Variants in ADAM12 observed in about 807,000 individuals in gnomAD.
ADAM12 encodes disintegrin and metalloproteinase domain-containing protein 12.
A neutral mutation model predicts 106.4 loss-of-function variants in ADAM12; 70 were observed. The observed-to-expected ratio is 0.66, with a 90% CI of 0.54 to 0.80. The LOEUF is 0.80. Ranked by LOEUF, ADAM12 falls within the 30% of genes least tolerant of loss-of-function variation. The probability of loss-of-function intolerance (pLI) is 0.00; values close to 1 mark genes in which losing one functional copy is unlikely to be tolerated. For synonymous variants in ADAM12, 420 were observed against 433.5 expected (o/e 0.97, Z 0.39); for missense variants, 1,010 against 1,171.9 (o/e 0.86, Z 2.02).
At chr10:126,164,904 A>G (rs1323520316) in intron 3 of ADAM12, among the ~76,000 whole-genome samples, 1 of 152,250 alleles carries the variant, frequency 6.6e-6, no homozygotes, top group East Asian at 1.9e-4. Context: ...AGAAAAATGA[A>G]AAAGAAGTAT....
chr10:126,076,363 C>T (rs894769674), intron 11 of ADAM12, among the ~76,000 whole-genome samples: 6 of 152,096 alleles, frequency 3.9e-5, no homozygotes, highest in African/African-American at 1.2e-4. Flanking sequence ...TTGTGAATAG[C>T]GCTATAATGA....
At chr10:126,017,962 A>G (rs2133370073) in intron 22 of ADAM12, among the ~76,000 whole-genome samples, 1 of 152,370 alleles carries the variant, frequency 6.6e-6, no homozygotes, top group African/African-American at 2.4e-5. Context: ...TCTTCCTCAA[A>G]TAGAACAAGA....
intron 3 of ADAM12, among the ~76,000 whole-genome samples, chr10:126,274,302 C>T (rs569813294): frequency 2.0e-5 from 3 of 152,284 alleles, no homozygotes; most frequent in East Asian, 3.9e-4. Flanking sequence ...GGCTGTGCCC[C>T]ACCCTGTGTA....
In ADAM12 at chr10:126,239,277, C is replaced by T. The variant is rs114864811; in HGVS notation, c.260+39638G>A. Among the ~76,000 whole-genome samples the T allele has an allele frequency of 2.0e-3, 311 of 152,250 alleles. 2 individuals carry two copies. The highest frequency in any genetic ancestry group is 7.3e-3 in the African/African-American group (303 of 41,530). On this transcript the variant is annotated intron_variant, in intron 3 of 22. Transcript: ENST00000448723. Reference sequence around the variant, plus strand: ...ATAAAAATTATATAGGAAAAAGAACCTCATTGTTTCCATGTATCTATAAGA... The same window carrying T: ...ATAAAAATTATATAGGAAAAAGAACTTCATTGTTTCCATGTATCTATAAGA...
intron 3 of ADAM12, among the ~76,000 whole-genome samples, chr10:126,228,063 G>A (rs912076120): frequency 6.6e-6 from 1 of 152,196 alleles, no homozygotes; most frequent in Admixed American, 6.5e-5. Flanking sequence ...AAGGGGTCAA[G>A]GACGGCCCCA....
At chr10:126,143,579 T>C (rs11812621) in intron 4 of ADAM12, among the ~76,000 whole-genome samples, 46,456 of 107,484 alleles carry the variant, frequency 0.43, 7,662 homozygotes, top group Admixed American at 0.48. Flanking sequence ...ATGTGTATAT[T>C]TGTGTGTGTA....
intron 1 of ADAM12, among the ~76,000 whole-genome samples, chr10:126,381,966 C>T (rs1399165297): frequency 2.8e-5 from 3 of 108,832 alleles, no homozygotes; most frequent in Non-Finnish European, 5.8e-5. Flanking sequence ...CAATGCAAGA[C>T]CCTGTCTCAA....
intron 3 of ADAM12, among the ~76,000 whole-genome samples, chr10:126,245,379 G>A (rs545377763): frequency 6.6e-6 from 1 of 152,322 alleles, no homozygotes; most frequent in African/African-American, 2.4e-5. Context: ...AGAGAGTCCT[G>A]CCAGCTTGAG....
At chr10:126,271,389 A>C (rs2133736425) in intron 3 of ADAM12, among the ~76,000 whole-genome samples, 1 of 152,332 alleles carries the variant, frequency 6.6e-6, no homozygotes, top group Non-Finnish European at 1.5e-5. Context: ...TCAAGCCATC[A>C]TCAGCTCTCC....
chr10:126,277,922 T>TC (rs1959349924), intron 3 of ADAM12, among the ~76,000 whole-genome samples: 1 of 152,232 alleles, frequency 6.6e-6, no homozygotes, highest in African/African-American at 2.4e-5. Flanking sequence ...TCGTCTGTCT[T>TC]GCTTAAAATG....
intron 21 of ADAM12, among the ~76,000 whole-genome samples, chr10:126,025,868 G>C (rs1157196483): frequency 5.9e-5 from 9 of 152,070 alleles, no homozygotes. Flanking sequence ...GATTTTCCAA[G>C]GTCAAAATGA....
In ADAM12 at chr10:126,129,004, C is replaced by G. The variant is rs991587708; in HGVS notation, c.416+6580G>C. Reference sequence around the variant, plus strand: ...GAGGACACCTCGTGCTCAGGTGTCACCAACCCCATTTAAAAAGGAAATAAC... The same window carrying G: ...GAGGACACCTCGTGCTCAGGTGTCAGCAACCCCATTTAAAAAGGAAATAAC... On this transcript the variant is annotated intron_variant, in intron 5 of 22. Coordinates refer to ENST00000448723, the MANE Select transcript of ADAM12 (RefSeq NM_001288973.2). 1.8e-4 allele frequency among the ~76,000 whole-genome samples: 28 copies of G among 152,240 alleles called. 1 individual carries two copies. The highest frequency in any genetic ancestry group is 3.2e-3 in the Middle Eastern group (1 of 316).
chr10:126,378,945 T>A (rs1276353471), intron 1 of ADAM12, among the ~76,000 whole-genome samples: 1 of 152,240 alleles, frequency 6.6e-6, no homozygotes, highest in Non-Finnish European at 1.5e-5. Context: ...TTCAGGAATG[T>A]ACCTTTCCAT....
chr10:126,138,608 T>G (rs1371019214), intron 4 of ADAM12, among the ~76,000 whole-genome samples: 2 of 152,196 alleles, frequency 1.3e-5, no homozygotes, highest in Admixed American at 1.3e-4. Context: ...ACTACTGACC[T>G]CAAGCAATCT....
In ADAM12 at chr10:126,338,402, G is replaced by A. The variant is rs113604165; in HGVS notation, c.89-7893C>T. On this transcript the variant is annotated intron_variant, in intron 1 of 22. Coordinates refer to ENST00000448723, the MANE Select transcript of ADAM12 (RefSeq NM_001288973.2). ...CAAGTAGCTGGGACTACAGGCGCCC[G>A]CCACTACGCCCGGCTAATTTTTTGT... Among the ~76,000 whole-genome samples the A allele has an allele frequency of 4.5e-4, 68 of 151,394 alleles. No homozygotes were observed. The East Asian group carries it at 0.012, about 27-fold the overall frequency.
intron 4 of ADAM12, among the ~76,000 whole-genome samples, chr10:126,149,567 T>C (rs1012700234): frequency 3.3e-5 from 5 of 152,142 alleles, no homozygotes; most frequent in Non-Finnish European, 7.4e-5. Flanking sequence ...GGCCCACCCG[T>C]CCTCAATCTG....
intron 2 of ADAM12, among the ~76,000 whole-genome samples, chr10:126,320,475 TA>T (rs940052230): frequency 6.6e-6 from 1 of 152,188 alleles, no homozygotes; most frequent in Non-Finnish European, 1.5e-5. Flanking sequence ...TAGGAGGATT[TA>T]AAAAAATCTG....
At chr10:126,058,146 C>T (rs1954673423) in intron 14 of ADAM12, among the ~76,000 whole-genome samples, 1 of 152,210 alleles carries the variant, frequency 6.6e-6, no homozygotes, top group Non-Finnish European at 1.5e-5. Context: ...GATTGGCCCT[C>T]CTTTCCCTCC....
chr10:126,099,012 C>G (rs530617225), intron 9 of ADAM12, among the ~76,000 whole-genome samples: 227 of 152,302 alleles, frequency 1.5e-3, no homozygotes, highest in Non-Finnish European at 2.6e-3. Context: ...ATTATCAACC[C>G]TGGAGCCGGT....
Sources: allele counts gnomAD v4.1 joint callset (sites outside exome capture counted in the v4.1 genomes callset), GRCh38; gene constraint gnomAD v4.1.1; transcripts MANE v1.5; gene names NCBI Gene and HGNC (gene_info 2026-07-23, HGNC 2026-07-21).